The following ZNF669 variants were observed in gnomAD, a reference collection of about 807,000 sequenced individuals.
ZNF669 encodes zinc finger protein 669.
In ZNF669, 7 loss-of-function variants were observed where a neutral mutation model predicts 11.4. The ratio of observed to expected loss-of-function variants is 0.62; its 90% CI spans 0.35 to 1.16. ZNF669 has a LOEUF of 1.16. Ranked by LOEUF, ZNF669 falls within the 50% of genes most tolerant of loss-of-function variation. ZNF669 has a pLI of 0.02. For missense variants in ZNF669, 492 were observed against 463.6 expected (o/e 1.06, Z -0.56); for synonymous variants, 153 against 155.8 (o/e 0.98, Z 0.13).
rs1558357892 is a variant in ZNF669, at chr1:247,100,623, ACTT to A, written c.885_887del (p.Arg295del). 6.2e-7 allele frequency: 1 copy of A among 1,614,096 alleles called. No individual in the cohort carries two copies. Among genetic ancestry groups the A allele is most frequent in the East Asian group, 2.2e-5 (1 of 44,882 alleles). Reference sequence around the variant, plus strand: ...CATAGGGTTTCTCTCCGGTATGAGTACTTCTATGGTTACAAAGGGAACTCAAAC... The same window carrying A: ...CATAGGGTTTCTCTCCGGTATGAGTACTATGGTTACAAAGGGAACTCAAAC... On this transcript the variant is annotated inframe_deletion, in exon 4 of 4. Coordinates refer to ENST00000448299, the MANE Select transcript of ZNF669 (RefSeq NM_001142572.2).
rs1366685481 is a variant in ZNF669, at chr1:247,100,877, G to A, written c.634C>T (p.Arg212Ter). 9 of 1,613,942 alleles carry A rather than the reference G, an allele frequency of 5.6e-6. No homozygotes were observed. Among genetic ancestry groups the A allele is most frequent in the African/African-American group, 4.0e-5 (3 of 74,912 alleles). ...TAGGGTTTCTCTCCAGTGTGAGTTC[G>A]TTCATGTATTAGACAAGAACCGGAA... is the stretch of plus-strand genomic sequence containing the variant. ...TVSGSCLIHE[R>*]THTGEKPYEC... Residue 212 changes from arginine to a stop codon, truncating the protein, a stop_gained, in exon 4 of 4, where the codon CGA becomes TGA. Transcript: ENST00000448299. LOFTEE classifies it low-confidence loss of function (END_TRUNC).
In ZNF669 at chr1:247,101,216, C is replaced by T; in HGVS notation, c.295G>A (p.Gly99Arg). The T allele has an allele frequency of 6.2e-7, 1 of 1,613,966 alleles. No individual in the cohort carries two copies. The highest frequency in any genetic ancestry group is 8.5e-7 in the Non-Finnish European group (1 of 1,179,990). ...NLDLNENISTGLKPCECSICG... is the reference protein window; with the variant it reads ...NLDLNENISTRLKPCECSICG... The stretch of plus-strand genomic sequence containing the variant: ...ATACTGCATTCACATGGTTTTAATC[C>T]AGTAGAAATGTTCTCGTTCAGATCA... Residue 99 changes from glycine (G) to arginine (R), a missense_variant, in exon 4 of 4, where the codon GGA becomes AGA. Transcript: ENST00000448299.
chr1:247,101,423 C>A, intron 3 of ZNF669, 104 bp from the exon 4 acceptor site: 3 of 1,339,556 alleles, frequency 2.2e-6, no homozygotes, highest in South Asian at 1.5e-5. Context: ...AGGGAAAATG[C>A]ATTTTTTTTT....
chr1:247,103,752 G>A (rs1558359523), intron 1 of ZNF669, among the ~76,000 whole-genome samples: 1 of 151,748 alleles, frequency 6.6e-6, no homozygotes, highest in Non-Finnish European at 1.5e-5. Flanking sequence ...TGCGGTACCT[G>A]GTTTATGAAT....
At chr1:247,104,142 C>T (rs749181047) in intron 1 of ZNF669, 55 bp downstream of exon 1, 1 of 1,577,738 alleles carries the variant, frequency 6.3e-7, no homozygotes. Context: ...CGCGCCACAG[C>T]AGGTTTCAAC....
In ZNF669 at chr1:247,104,113, A is replaced by G. The variant is rs774020500; in HGVS notation, c.3+84T>C. ...ACTCGGTCCGCAGGTTCCGGAGCCG[A>G]TGGCGTGGAGGCCCGAGTCGCGCCA... On this transcript the variant is annotated intron_variant, in intron 1 of 3. Coordinates refer to ENST00000448299, the MANE Select transcript of ZNF669 (RefSeq NM_001142572.2). The G allele has an allele frequency of 1.9e-5, 31 of 1,597,194 alleles. No individual in the cohort carries two copies. In the African/African-American group the frequency reaches 3.6e-4, roughly 19 times the overall value.
At chr1:247,101,953 T>G in intron 2 of ZNF669, 34 bp downstream of exon 2, 1 of 1,613,656 alleles carries the variant, frequency 6.2e-7, no homozygotes, top group Non-Finnish European at 8.5e-7. Flanking sequence ...GGGAAAGACT[T>G]CTGTAATTAA....
rs765773509 is a variant in ZNF669, at chr1:247,100,904, C to G, written c.607G>C (p.Val203Leu). 6.2e-7 allele frequency: 1 copy of G among 1,613,950 alleles called. No homozygotes were observed. Among genetic ancestry groups the G allele is most frequent in the Non-Finnish European group, 8.5e-7 (1 of 1,180,030 alleles). Residue 203 changes from valine (V) to leucine (L), a missense_variant, in exon 4 of 4, where the codon GTT becomes CTT. Val to Leu is a conservative substitution (Grantham distance 32). Coordinates refer to ENST00000448299, the MANE Select transcript of ZNF669 (RefSeq NM_001142572.2). ...TCATGTATTAGACAAGAACCGGAAA[C>G]AGTGAATGCTTTACCACATTGTTTA... ...KCKQCGKAFT[V>L]SGSCLIHERT...
chr1:247,100,373 C>A lies in ZNF669; in HGVS notation c.*1G>T. ...TCCAGGCTGGTTATGAACTCCTGGG[C>A]TCAAGCAATCCACACGCCTTGGCCT... On this transcript the variant is annotated 3_prime_UTR_variant, in exon 4 of 4. Transcript: ENST00000448299. 6.4e-7 allele frequency: 1 copy of A among 1,560,730 alleles called. No homozygotes were observed. The highest frequency in any genetic ancestry group is 8.8e-7 in the Non-Finnish European group (1 of 1,140,262).
chr1:247,100,220 G>A lies in ZNF669; in HGVS notation c.*154C>T, dbSNP rs373934745. ...AGGATGGTCTCGATCTCCTGACCTCGTGATCCACCCGCCTCGGCCTCCCAA... is the reference window on the plus strand; with the variant it reads ...AGGATGGTCTCGATCTCCTGACCTCATGATCCACCCGCCTCGGCCTCCCAA... On this transcript the variant is annotated 3_prime_UTR_variant, in exon 4 of 4. Transcript: ENST00000448299. 16 of 587,348 alleles carry A rather than the reference G, an allele frequency of 2.7e-5. No individual in the cohort carries two copies. Among genetic ancestry groups the A allele is most frequent in the South Asian group, 6.5e-5 (3 of 45,950 alleles). The allele number at this position is 587,348 out of a possible 1,614,324, so 36.4% of individuals were successfully genotyped here. A position where few individuals can be genotyped will look rare whatever the true frequency, so the allele number is the denominator to read the frequency against.
Position 247,100,330 on chromosome 1 carries a change from T to C in ZNF669, c.*44A>G. 1 of 1,158,780 alleles carries C rather than the reference T, an allele frequency of 8.6e-7. No individual in the cohort carries two copies. The highest frequency in any genetic ancestry group is 1.2e-6 in the Non-Finnish European group (1 of 804,718). The allele number at this position is 1,158,780 out of a possible 1,614,324, so 71.8% of individuals were successfully genotyped here. A position where few individuals can be genotyped will look rare whatever the true frequency, so the allele number is the denominator to read the frequency against. On this transcript the variant is annotated 3_prime_UTR_variant, in exon 4 of 4. Transcript: ENST00000448299. ...CAGGGTTTCACCATGTTGCCCAGGT[T>C]GTTTCACATTGTTTTAATCCAGGCT...
intron 2 of ZNF669, 62 bp downstream of exon 2, chr1:247,101,925 T>C: frequency 1.2e-6 from 2 of 1,611,982 alleles, no homozygotes; most frequent in Non-Finnish European, 1.7e-6. Context: ...TTCCAAATCA[T>C]AAATAGCACT....
rs749455260 is a variant in ZNF669, at chr1:247,100,860, C to T, written c.651G>A (p.Glu217=). 4.3e-6 allele frequency: 7 copies of T among 1,614,018 alleles called. No homozygotes were observed. The highest frequency in any genetic ancestry group is 5.9e-6 in the Non-Finnish European group (7 of 1,180,028). The part of the protein sequence containing the change: ...CLIHERTHTG[E]KPYECKECGK... ...CACATTCCTTACATTCGTAGGGTTT[C>T]TCTCCAGTGTGAGTTCGTTCATGTA... The change falls in exon 4 of 4, where the codon GAG becomes GAA. Residue 217 remains glutamate, a synonymous_variant. Transcript: ENST00000448299.
chr1:247,103,632 C>CAAAAAA (rs58671011), intron 1 of ZNF669, among the ~76,000 whole-genome samples: 2 of 49,980 alleles, frequency 4.0e-5, no homozygotes, highest in Non-Finnish European at 8.5e-5. Context: ...ATTCCGTCTC[C>CAAAAAA]AAAAAAAAAA....
In ZNF669 at chr1:247,104,308, A is replaced by T; in HGVS notation, c.-109T>A. 7.3e-7 allele frequency: 1 copy of T among 1,370,264 alleles called. No individual in the cohort carries two copies. Among genetic ancestry groups the T allele is most frequent in the South Asian group, 1.7e-5 (1 of 59,886 alleles). The allele number at this position is 1,370,264 out of a possible 1,614,324, so 84.9% of individuals were successfully genotyped here. Reference sequence around the variant, plus strand: ...CCACCTGGGCCTCCCAGAGCCAAGAACTAGCAGCGGAGACTAACAGGAAGA... The same window carrying T: ...CCACCTGGGCCTCCCAGAGCCAAGATCTAGCAGCGGAGACTAACAGGAAGA... On this transcript the variant is annotated 5_prime_UTR_variant, in exon 1 of 4. Coordinates refer to ENST00000448299, the MANE Select transcript of ZNF669 (RefSeq NM_001142572.2).
In ZNF669 at chr1:247,101,310, G is replaced by C. The variant is rs766578013; in HGVS notation, c.201C>G (p.Ile67Met). 1 of 1,552,804 alleles carries C rather than the reference G, an allele frequency of 6.4e-7. No individual in the cohort carries two copies. Among genetic ancestry groups the C allele is most frequent in the Admixed American group, 2.1e-5 (1 of 47,684 alleles). ...EKPGKDIRNH[I>M]VQRLCESKED... ...CTTTACTTTCACACAGTCTCTGTAC[G>C]ATATGATTTCTGTAAAAAAATGACA... Residue 67 changes from isoleucine to methionine, a missense_variant, in exon 4 of 4, where the codon ATC (isoleucine) becomes ATG (methionine). By Grantham distance (10) the Ile-to-Met change is conservative (BLOSUM62 1). Coordinates refer to ENST00000448299, the MANE Select transcript of ZNF669 (RefSeq NM_001142572.2).
chr1:247,100,949 CTG>C lies in ZNF669; in HGVS notation c.560_561del (p.Thr187ArgfsTer6). The C allele has an allele frequency of 6.2e-7, 1 of 1,613,426 alleles. No homozygotes were observed. The highest frequency in any genetic ancestry group is 8.5e-7 in the Non-Finnish European group (1 of 1,179,852). On this transcript the variant is annotated frameshift_variant, in exon 4 of 4. Transcript: ENST00000448299. LOFTEE classifies it low-confidence loss of function (END_TRUNC). ...NSVERHQRTH[T>X]GEKPYKCKQC... ...TGTTTACATTTATAGGGTTTTTCTC[CTG>C]TGTGAGTTCTCTGATGTCTTTCAAC...
At position 247,102,018 on chromosome 1, in the gene ZNF669, C is replaced by A; in HGVS notation, c.99G>T (p.Met33Ile). 1 of 1,613,944 alleles carries A rather than the reference C, an allele frequency of 6.2e-7. No homozygotes were observed. Among genetic ancestry groups the A allele is most frequent in the Non-Finnish European group, 8.5e-7 (1 of 1,179,932 alleles). Reference protein sequence around the residue: ...SSQKNLYREVMQETCRNLASV... With the variant: ...SSQKNLYREVIQETCRNLASV... ...AAGCCAGGTTCCTGCAGGTTTCCTG[C>A]ATCACTTCTCTGTAGAGATTCTTCT... Residue 33 changes from methionine (M) to isoleucine (I), a missense_variant, in exon 2 of 4, where the codon ATG becomes ATT. Physicochemically the swap from Met to Ile is conservative, Grantham distance 10. Transcript: ENST00000448299.
chr1:247,101,648 T>C (rs1671726583), intron 3 of ZNF669, 83 bp downstream of exon 3: 1 of 1,302,482 alleles, frequency 7.7e-7, no homozygotes, highest in Non-Finnish European at 1.1e-6. Flanking sequence ...TGACTCTTAT[T>C]TGTTTTGATT....
Sources: allele counts gnomAD v4.1 joint callset (sites outside exome capture counted in the v4.1 genomes callset), GRCh38; gene constraint gnomAD v4.1.1; transcripts MANE v1.5; gene names NCBI Gene and HGNC (gene_info 2026-07-23, HGNC 2026-07-21).